Variants in PCDHA3 observed in about 807,000 individuals in gnomAD.
PCDHA3 encodes protocadherin alpha-3.
Under a neutral mutation model 62.2 loss-of-function variants are expected in PCDHA3, and 41 were observed. The observed-to-expected ratio is 0.66, with a 90% CI of 0.51 to 0.86. The LOEUF is 0.86. Ranked by LOEUF, PCDHA3 falls within the 40% of genes least tolerant of loss-of-function variation. PCDHA3 has a pLI of 0.00. For missense variants in PCDHA3, 1,304 were observed against 1,241.2 expected, an observed-to-expected ratio of 1.05 and a Z score of -0.76; for synonymous variants, 640 against 555.4, an observed-to-expected ratio of 1.15 and a Z score of -2.14.
chr5:141,009,825 T>A lies in PCDHA3; in HGVS notation c.2741T>A (p.Ile914Lys). ...AGCCAAATTGACAAAAGTGACTTCA[T>A]AACCTTCGGCAAAAAGGAGGAGACC... ...TNSQIDKSDF[I>K]TFGKKEETKK... is the part of the protein sequence containing the mutation. The change falls in exon 4 of 4, where the codon ATA (isoleucine) becomes AAA (lysine). Residue 914 changes from isoleucine to lysine, a missense_variant. Physicochemically the swap from Ile to Lys is moderately radical, Grantham distance 102. Coordinates refer to ENST00000522353, the MANE Select transcript of PCDHA3 (RefSeq NM_018906.3). 2 of 1,613,774 alleles carry A rather than the reference T, an allele frequency of 1.2e-6. No homozygotes were observed.
chr5:140,969,225 C>G (rs782766938), intron 1 of PCDHA3: 13 of 1,614,118 alleles, frequency 8.1e-6, no homozygotes, highest in Admixed American at 1.7e-5. Flanking sequence ...CCAGGGCCTT[C>G]GGGAGCCCAA....
chr5:141,000,805 G>C (rs1049253262), intron 3 of PCDHA3, among the ~76,000 whole-genome samples: 2 of 151,852 alleles, frequency 1.3e-5, no homozygotes, highest in Non-Finnish European at 2.9e-5. Context: ...TACTCAGAAG[G>C]CTGAGGTGGG....
rs1290458104 is a variant in PCDHA3 at position 140,849,842 on chromosome 5, C to T, written c.2394+46251C>T. 18 of 1,598,416 alleles carry T rather than the reference C, an allele frequency of 1.1e-5. 3 individuals carry two copies. Among genetic ancestry groups the T allele is most frequent in the Admixed American group, 1.7e-5 (1 of 59,304 alleles). On this transcript the variant is annotated intron_variant, in intron 1 of 3. Coordinates refer to ENST00000522353, the MANE Select transcript of PCDHA3 (RefSeq NM_018906.3). The stretch of plus-strand genomic sequence containing the variant: ...TGTCTGTGGAGGTGGCCGACGTGAA[C>T]GACAACGCACCAGCGTTCGCGCAGT...
intron 1 of PCDHA3, among the ~76,000 whole-genome samples, chr5:140,899,649 G>T (rs1405894081): frequency 6.6e-6 from 1 of 152,130 alleles, no homozygotes; most frequent in Non-Finnish European, 1.5e-5. Flanking sequence ...CTCTTATTTG[G>T]TTGTGTCTCT....
intron 1 of PCDHA3, among the ~76,000 whole-genome samples, chr5:140,894,788 T>C (rs1217718306): frequency 2.0e-5 from 3 of 152,160 alleles, no homozygotes; most frequent in Admixed American, 1.3e-4. Flanking sequence ...TTATTTGTCC[T>C]CTCCTTTAAA....
rs375705333 is a variant in PCDHA3 at position 140,927,955 on chromosome 5, C to T, written c.2395-50994C>T. On this transcript the variant is annotated intron_variant, in intron 1 of 3. Coordinates refer to ENST00000522353, the MANE Select transcript of PCDHA3 (RefSeq NM_018906.3). ...GAACCCAGTACCTGAGGACGCTGCC[C>T]CTGGCACAGTGATTGCTCTCTTTAG... 34 of 1,614,198 alleles carry T rather than the reference C, an allele frequency of 2.1e-5. 1 individual carries two copies. In the Middle Eastern group the frequency reaches 9.9e-4, roughly 47 times the overall value.
chr5:140,831,011 C>T (rs1473200550), intron 1 of PCDHA3: 6 of 152,166 alleles, frequency 3.9e-5, no homozygotes, highest in Non-Finnish European at 5.9e-5. Flanking sequence ...CTGTGGTTCC[C>T]TTTTCAGACT....
At chr5:141,005,153 C>G (rs1408163088) in intron 3 of PCDHA3, among the ~76,000 whole-genome samples, 1 of 152,194 alleles carries the variant, frequency 6.6e-6, no homozygotes, top group East Asian at 1.9e-4. Flanking sequence ...GTTTGGTCTG[C>G]TAAAGAGTGG....
chr5:140,997,668 T>TGTGTG (rs2097778571), intron 3 of PCDHA3, among the ~76,000 whole-genome samples: 1 of 148,244 alleles, frequency 6.7e-6, no homozygotes, highest in African/African-American at 2.5e-5. Flanking sequence ...ATTATACAGC[T>TGTGTG]TGTGTGTGTG....
chr5:140,870,857 G>C, intron 1 of PCDHA3: 1 of 1,613,916 alleles, frequency 6.2e-7, no homozygotes. Context: ...CGGTCGGTGG[G>C]TGCGGGCCAC....
chr5:140,826,596 G>T (rs1234934565), intron 1 of PCDHA3, among the ~76,000 whole-genome samples: 1 of 152,084 alleles, frequency 6.6e-6, no homozygotes, highest in Non-Finnish European at 1.5e-5. Context: ...TAACATTAAG[G>T]TTAAATTAAG....
intron 1 of PCDHA3, among the ~76,000 whole-genome samples, chr5:140,945,754 G>T (rs1206591237): frequency 1.3e-5 from 2 of 152,078 alleles, no homozygotes; most frequent in African/African-American, 4.8e-5. Context: ...TTCAATAAAT[G>T]GTGGTGGGAC....
intron 3 of PCDHA3, among the ~76,000 whole-genome samples, chr5:141,007,371 TG>T (rs2098319446): frequency 7.8e-6 from 1 of 128,740 alleles, no homozygotes. Context: ...GGCAACATGA[TG>T]GAACACCATC....
At chr5:140,877,258 G>A in intron 1 of PCDHA3, 1 of 1,613,780 alleles carries the variant, frequency 6.2e-7, no homozygotes, top group South Asian at 1.1e-5. Flanking sequence ...GAAAGTGCGC[G>A]CGGTGGACGC....
chr5:140,840,316 C>A (rs2150305705), intron 1 of PCDHA3, among the ~76,000 whole-genome samples: 1 of 151,756 alleles, frequency 6.6e-6, no homozygotes, highest in South Asian at 2.1e-4. Flanking sequence ...TAACTTTGGT[C>A]GACTCATTTT....
At chr5:140,809,443 G>A in intron 1 of PCDHA3, 1 of 1,614,252 alleles carries the variant, frequency 6.2e-7, no homozygotes, top group Non-Finnish European at 8.5e-7. Flanking sequence ...CATACTCGCA[G>A]CAGAGGAGGC....
In PCDHA3 at chr5:140,849,637, C is replaced by T. The variant is rs1581190048; in HGVS notation, c.2394+46046C>T. 3.8e-6 allele frequency: 6 copies of T among 1,598,688 alleles called. 1 individual carries two copies. Among genetic ancestry groups the T allele is most frequent in the Non-Finnish European group, 5.1e-6 (6 of 1,167,950 alleles). On this transcript the variant is annotated intron_variant, in intron 1 of 3. Transcript: ENST00000522353. ...AGTGTGATCGACCTAGACGCAGATG[C>T]CAACGGGCAGGTTACCTGCTCCCTG...
intron 1 of PCDHA3, chr5:140,822,747 A>C: frequency 6.2e-7 from 1 of 1,613,832 alleles, no homozygotes. Flanking sequence ...CCATGGATAA[A>C]AGTACATTCC....
In PCDHA3 at chr5:140,803,009, C is replaced by A. The variant is rs1411845849; in HGVS notation, c.1812C>A (p.Asn604Lys). 2.5e-6 allele frequency: 4 copies of A among 1,614,016 alleles called. No individual in the cohort carries two copies. Among genetic ancestry groups the A allele is most frequent in the African/African-American group, 1.3e-5 (1 of 75,058 alleles). Residue 604 changes from asparagine (N) to lysine (K), a missense_variant, in exon 1 of 4, where the codon AAC (asparagine) becomes AAA (lysine). Asn to Lys is a moderately conservative substitution (Grantham distance 94). Transcript: ENST00000522353. ...CAGTGGATGCAGACTCAGGCTACAA[C>A]GCGTGGCTTTCGTATGAGCTGCAGC... ...VRAVDADSGY[N>K]AWLSYELQPG... is the part of the protein sequence containing the mutation.
Sources: gnomAD v4.1 joint callset for allele counts (sites outside exome capture counted in the v4.1 genomes callset) on GRCh38, gnomAD v4.1.1 for gene constraint, MANE v1.5 for transcripts, NCBI Gene and HGNC (gene_info 2026-07-23, HGNC 2026-07-21) for gene names.